The following OSBPL8 variants were observed in gnomAD, a reference collection of about 807,000 sequenced individuals.
OSBPL8 encodes oxysterol binding protein like 8.
OSBPL8 carries 59 observed loss-of-function variants against 125.5 expected under a neutral mutation model. That is an observed-to-expected ratio of 0.47 (90% CI 0.38 to 0.58). The LOEUF (loss-of-function observed/expected upper bound fraction) is 0.58. Among genes scored for constraint, OSBPL8 ranks in the 20% least tolerant of loss-of-function variants. OSBPL8 has a pLI of 0.00. For synonymous variants in OSBPL8, 330 were observed against 338.9 expected (o/e 0.97, Z 0.29); for missense variants, 758 against 1,047.8 (o/e 0.72, Z 3.82).
intron 15 of OSBPL8, among the ~76,000 whole-genome samples, chr12:76,381,117 A>T (rs1024965771): frequency 6.6e-6 from 1 of 152,122 alleles, no homozygotes; most frequent in African/African-American, 2.4e-5. Flanking sequence ...ACCTTTATTT[A>T]TATGTCCATA....
At chr12:76,502,561 T>G (rs1186190199) in intron 1 of OSBPL8, among the ~76,000 whole-genome samples, 1 of 152,220 alleles carries the variant, frequency 6.6e-6, no homozygotes, top group Admixed American at 6.5e-5. Context: ...ACAGGAGCTA[T>G]TTCAGATACG....
intron 1 of OSBPL8, among the ~76,000 whole-genome samples, chr12:76,549,319 T>C (rs935449657): frequency 6.6e-6 from 1 of 152,248 alleles, no homozygotes; most frequent in Non-Finnish European, 1.5e-5. Context: ...CACCTCATTA[T>C]GACTTTGTAG....
chr12:76,470,634 AT>A (rs1382353381), intron 2 of OSBPL8, among the ~76,000 whole-genome samples: 3 of 152,234 alleles, frequency 2.0e-5, no homozygotes, highest in Non-Finnish European at 2.9e-5. Context: ...CTGCAAAAAA[AT>A]ACCTTCATTC....
chr12:76,542,339 C>G (rs74105513), intron 1 of OSBPL8, among the ~76,000 whole-genome samples: 6,587 of 152,240 alleles, frequency 0.043, 512 homozygotes, highest in African/African-American at 0.15. Context: ...AGAGATGCTT[C>G]TCTTCATCAC....
intron 4 of OSBPL8, among the ~76,000 whole-genome samples, chr12:76,415,748 T>C (rs1565879087): frequency 6.6e-6 from 1 of 152,218 alleles, no homozygotes; most frequent in Non-Finnish European, 1.5e-5. Flanking sequence ...TTATTTTTGA[T>C]ACTGGCTAAT....
At chr12:76,375,737 GT>G (rs201904205) in intron 16 of OSBPL8, among the ~76,000 whole-genome samples, 3 of 102,544 alleles carry the variant, frequency 2.9e-5, no homozygotes, top group Non-Finnish European at 4.2e-5. Flanking sequence ...CTCCCACATT[GT>G]TTTAAAAAAA....
At chr12:76,460,757 AAC>A (rs796926405) in intron 2 of OSBPL8, among the ~76,000 whole-genome samples, 57 of 152,330 alleles carry the variant, frequency 3.7e-4, no homozygotes, top group African/African-American at 1.1e-3. Context: ...TTCTGGTAGA[AAC>A]AGAGTTCTCA....
At chr12:76,464,413 A>G (rs1390770559) in intron 2 of OSBPL8, among the ~76,000 whole-genome samples, 2 of 152,128 alleles carry the variant, frequency 1.3e-5, no homozygotes, top group Non-Finnish European at 2.9e-5. Context: ...ATCAGTAATA[A>G]AAGTTTCAGA....
At chr12:76,552,560 T>G (rs1950976863) in intron 1 of OSBPL8, among the ~76,000 whole-genome samples, 1 of 150,542 alleles carries the variant, frequency 6.6e-6, no homozygotes. Flanking sequence ...AATAGCAGCC[T>G]AATGACAGGC....
intron 2 of OSBPL8, among the ~76,000 whole-genome samples, chr12:76,473,804 G>A (rs994318272): frequency 6.6e-6 from 1 of 152,158 alleles, no homozygotes; most frequent in Non-Finnish European, 1.5e-5. Flanking sequence ...ATAGGAAAGT[G>A]ATTAAAGGTT....
chr12:76,517,280 G>C (rs1881639502), intron 1 of OSBPL8, among the ~76,000 whole-genome samples: 2 of 151,958 alleles, frequency 1.3e-5, no homozygotes, highest in Admixed American at 1.3e-4. Context: ...GGGGTGTGGA[G>C]GTAAGAGGCC....
intron 1 of OSBPL8, among the ~76,000 whole-genome samples, chr12:76,550,386 C>G (rs543786241): frequency 6.6e-6 from 1 of 152,138 alleles, no homozygotes; most frequent in Non-Finnish European, 1.5e-5. Flanking sequence ...AATACTTACA[C>G]AGTCATGGTA....
chr12:76,542,557 A>C (rs968076186), intron 1 of OSBPL8, among the ~76,000 whole-genome samples: 6 of 152,224 alleles, frequency 3.9e-5, no homozygotes, highest in Non-Finnish European at 8.8e-5. Flanking sequence ...GGTGGAGTCC[A>C]ATAATCTGCA....
At chr12:76,500,640 A>G (rs1879804697) in intron 1 of OSBPL8, among the ~76,000 whole-genome samples, 1 of 152,200 alleles carries the variant, frequency 6.6e-6, no homozygotes, top group Non-Finnish European at 1.5e-5. Flanking sequence ...CTTGCCCTGA[A>G]TGAGTGGAGC....
intron 5 of OSBPL8, among the ~76,000 whole-genome samples, chr12:76,407,815 A>C (rs1954334920): frequency 6.6e-6 from 1 of 151,904 alleles, no homozygotes; most frequent in Non-Finnish European, 1.5e-5. Context: ...ACAGTCTGGG[A>C]GGTAAGATCT....
chr12:76,398,079 C>T (rs1004516696), intron 7 of OSBPL8, among the ~76,000 whole-genome samples, 182 bp from the exon 8 acceptor site: 8 of 152,224 alleles, frequency 5.3e-5, no homozygotes, highest in African/African-American at 1.9e-4. Flanking sequence ...GCTCTTATTT[C>T]TAAGAAACTT....
chr12:76,354,076 T>A lies in OSBPL8; in HGVS notation c.*1813A>T, dbSNP rs994626381. ...TAACTAATTTAAACCATAAAAAAGA[T>A]CAAATTGTACAATATTTACAGAATA... On this transcript the variant is annotated 3_prime_UTR_variant, in exon 24 of 24. Transcript: ENST00000261183. 1 of 152,300 alleles carries A rather than the reference T, an allele frequency of 6.6e-6. No individual in the cohort carries two copies. Among genetic ancestry groups the A allele is most frequent in the African/African-American group, 2.4e-5 (1 of 41,424 alleles). 9.4% of individuals were successfully genotyped at this position (152,300 alleles called of 1,614,324 possible).
At chr12:76,363,157 T>C (rs945158937) in intron 21 of OSBPL8, among the ~76,000 whole-genome samples, 2 of 152,246 alleles carry the variant, frequency 1.3e-5, no homozygotes, top group Non-Finnish European at 2.9e-5. Context: ...CCACTGACTT[T>C]CTTCACAGAA....
chr12:76,438,032 G>T (rs907176352), intron 4 of OSBPL8, among the ~76,000 whole-genome samples: 3 of 151,938 alleles, frequency 2.0e-5, no homozygotes, highest in African/African-American at 7.3e-5. Flanking sequence ...TGTCGCCCAG[G>T]CTGGAGTGCA....
Sources: gnomAD v4.1 joint callset for allele counts (sites outside exome capture counted in the v4.1 genomes callset) on GRCh38, gnomAD v4.1.1 for gene constraint, MANE v1.5 for transcripts, NCBI Gene and HGNC (gene_info 2026-07-23, HGNC 2026-07-21) for gene names.